The following AGXT variants were observed in gnomAD, a reference collection of about 807,000 sequenced individuals.
AGXT encodes the protein alanine--glyoxylate aminotransferase.
AGXT carries 41 observed loss-of-function variants against 46.9 expected under a neutral mutation model. The ratio of observed to expected loss-of-function variants is 0.88; its 90% confidence interval spans 0.68 to 1.14. The LOEUF is 1.14. Among genes scored for constraint, AGXT ranks in the 50% most tolerant of loss-of-function variants. The probability of loss-of-function intolerance (pLI) is 0.00; values close to 1 mark genes in which losing one functional copy is unlikely to be tolerated. For synonymous variants in AGXT, 244 were observed against 227.9 expected (o/e 1.07, Z -0.64); for missense variants, 525 against 522.7 (o/e 1.00, Z -0.04).
chr2:240,876,824 T>G, intron 8 of AGXT: 1 of 166,572 alleles, frequency 6.0e-6, no homozygotes, highest in Non-Finnish European at 1.3e-5. Flanking sequence ...TCTAGGGTCG[T>G]AAAGGTGGGT....
At chr2:240,875,327 C>A in intron 7 of AGXT, 123 bp downstream of exon 7, 1 of 819,120 alleles carries the variant, frequency 1.2e-6, no homozygotes, top group Non-Finnish European at 2.0e-6. Context: ...AGAACCCCAA[C>A]TAGAGCCCCA....
In AGXT at chr2:240,877,539, C is replaced by T. The variant is rs1448520753; in HGVS notation, c.849C>T (p.Gly283=). The change falls in exon 9 of 11, where the codon GGC becomes GGT. Residue 283 remains glycine (G), a splice_region_variant and synonymous_variant. Coordinates refer to ENST00000307503, the MANE Select transcript of AGXT (RefSeq NM_000030.3). The part of the protein sequence containing the change: ...RESLALIAEQ[G]LENSWRQHRE... Reference sequence around the variant, plus strand: ...CACCAGCGCCATCTCCCACACAGGGCCTGGAGAACAGCTGGCGCCAGCACC... The same window carrying T: ...CACCAGCGCCATCTCCCACACAGGGTCTGGAGAACAGCTGGCGCCAGCACC... 6.5e-7 allele frequency: 1 copy of T among 1,548,378 alleles called. No homozygotes were observed. The highest frequency in any genetic ancestry group is 8.7e-7 in the Non-Finnish European group (1 of 1,145,352).
chr2:240,875,133 G>T lies in AGXT; in HGVS notation c.705G>T (p.Thr235=). The T allele has an allele frequency of 6.2e-7, 1 of 1,613,680 alleles. No individual in the cohort carries two copies. The highest frequency in any genetic ancestry group is 8.5e-7 in the Non-Finnish European group (1 of 1,179,596). The change falls in exon 7 of 11, where the codon ACG becomes ACT. Residue 235 remains threonine (T), a synonymous_variant. Coordinates refer to ENST00000307503, the MANE Select transcript of AGXT (RefSeq NM_000030.3). ...KAKKKMYSRK[T]KPFSFYLDIK... is the part of the protein sequence containing the mutation. ...GAAAGAAGATGTACTCCCGCAAGACGAAGCCCTTCTCCTTCTACCTGGACA... is the reference window on the plus strand; with the variant it reads ...GAAAGAAGATGTACTCCCGCAAGACTAAGCCCTTCTCCTTCTACCTGGACA...
At chr2:240,875,803 G>A in intron 7 of AGXT, 132 bp from the exon 8 acceptor site, 1 of 996,392 alleles carries the variant, frequency 1.0e-6, no homozygotes, top group Non-Finnish European at 1.6e-6. Flanking sequence ...ACCCGGACAG[G>A]ACTCCTCTGC....
rs911826319 is a variant in AGXT at position 240,879,009 on chromosome 2, C to G, written c.*188C>G. ...GCCCTTTTCCCTCCAGTGGCACCTC[C>G]TGGAAACAGTCCACTTGGGCGCAAA... On this transcript the variant is annotated 3_prime_UTR_variant, in exon 11 of 11. Coordinates refer to ENST00000307503, the MANE Select transcript of AGXT (RefSeq NM_000030.3). 20 of 639,512 alleles carry G rather than the reference C, an allele frequency of 3.1e-5. No homozygotes were observed. The South Asian group carries it at 3.7e-4, about 12-fold the overall frequency. 39.6% of individuals were successfully genotyped at this position (639,512 alleles called of 1,614,324 possible).
intron 9 of AGXT, 89 bp downstream of exon 9, chr2:240,877,721 C>T (rs1575712430): frequency 1.4e-6 from 2 of 1,406,266 alleles, no homozygotes; most frequent in Non-Finnish European, 2.0e-6. Flanking sequence ...GACACTGGCT[C>T]CTGAGAAGGA....
rs1433842783 is a variant in AGXT, at chr2:240,877,169, G to A, written c.847-368G>A. ...GGGGGAGCTGGCCCTGAGAGGAGAG[G>A]GGGCCTGGGAGCCAGCACCCTGAGC... On this transcript the variant is annotated intron_variant, in intron 8 of 10. Transcript: ENST00000307503. 1.6e-5 allele frequency: 7 copies of A among 444,654 alleles called. No homozygotes were observed. The East Asian group carries it at 3.9e-4, about 25-fold the overall frequency. 27.5% of individuals were successfully genotyped at this position (444,654 alleles called of 1,614,324 possible). A position where few individuals can be genotyped will look rare whatever the true frequency, so the allele number is the denominator to read the frequency against.
Position 240,878,036 on chromosome 2 carries a change from C to A in AGXT, c.957C>A (p.Pro319=). The A allele has an allele frequency of 6.2e-7, 1 of 1,612,488 alleles. No homozygotes were observed. Among genetic ancestry groups the A allele is most frequent in the South Asian group, 1.1e-5 (1 of 91,086 alleles). Residue 319 remains proline, a synonymous_variant, in exon 10 of 11, where the codon CCC becomes CCA. Coordinates refer to ENST00000307503, the MANE Select transcript of AGXT (RefSeq NM_000030.3). Reference sequence around the variant, plus strand: ...CCCTCCTGCAGGCGCTCCGGCTTCCCACAGTCACCACTGTGGCTGTACCCG... The same window carrying A: ...CCCTCCTGCAGGCGCTCCGGCTTCCAACAGTCACCACTGTGGCTGTACCCG... ...LFVKDPALRL[P]TVTTVAVPAG... is the part of the protein sequence containing the mutation.
intron 2 of AGXT, among the ~76,000 whole-genome samples, chr2:240,869,879 ATGAT>A (rs967080463): frequency 4.1e-4 from 63 of 152,240 alleles, no homozygotes; most frequent in African/African-American, 1.5e-3. Flanking sequence ...CCTGGGTTTA[ATGAT>A]TGATTGTGGC....
At chr2:240,873,828 C>A (rs1157857247) in intron 5 of AGXT, 150 bp from the exon 6 acceptor site, 1 of 763,684 alleles carries the variant, frequency 1.3e-6, no homozygotes, top group Non-Finnish European at 2.3e-6. Flanking sequence ...AGATTTGAAC[C>A]CAGGACTCCC....
In AGXT at chr2:240,875,116, A is replaced by G. The variant is rs2059016100; in HGVS notation, c.688A>G (p.Met230Val). The change falls in exon 7 of 11, where the codon ATG (methionine) becomes GTG (valine). Residue 230 changes from methionine to valine, a missense_variant. Coordinates refer to ENST00000307503, the MANE Select transcript of AGXT (RefSeq NM_000030.3). ...ISFSDKAKKK[M>V]YSRKTKPFSF... Reference sequence around the variant, plus strand: ...CTGCTTCTTTCTCCCCAGAAAGAAGATGTACTCCCGCAAGACGAAGCCCTT... The same window carrying G: ...CTGCTTCTTTCTCCCCAGAAAGAAGGTGTACTCCCGCAAGACGAAGCCCTT... The G allele has an allele frequency of 1.2e-6, 2 of 1,611,804 alleles. No individual in the cohort carries two copies. Among genetic ancestry groups the G allele is most frequent in the East Asian group, 4.5e-5 (2 of 44,862 alleles).
At chr2:240,876,222 G>A (rs2059024244) in intron 8 of AGXT, among the ~76,000 whole-genome samples, 1 of 152,230 alleles carries the variant, frequency 6.6e-6, no homozygotes, top group Admixed American at 6.5e-5. Flanking sequence ...CAGCAATGGG[G>A]CAGGTGTGGA....
At chr2:240,872,831 C>A (rs2058999287) in intron 4 of AGXT, 148 bp from the exon 5 acceptor site, 3 of 706,816 alleles carry the variant, frequency 4.2e-6, no homozygotes, top group Non-Finnish European at 7.6e-6. Flanking sequence ...CAGGAGAAGG[C>A]AACTGGCCAA....
At position 240,877,645 on chromosome 2, in the gene AGXT, C is replaced by CTGG; in HGVS notation, c.942+14_942+16dup. 6.5e-7 allele frequency: 1 copy of CTGG among 1,550,298 alleles called. No individual in the cohort carries two copies. Among genetic ancestry groups the CTGG allele is most frequent in the South Asian group, 1.2e-5 (1 of 84,064 alleles). On this transcript the variant is annotated intron_variant, in intron 9 of 10. Transcript: ENST00000307503. Reference sequence around the variant, plus strand: ...CGTGAAGGACCCGGTAAGGAGGCCCCTGGCATTGGGCAGCCCTGCACCCAT... The same window carrying CTGG: ...CGTGAAGGACCCGGTAAGGAGGCCCCTGGTGGCATTGGGCAGCCCTGCACCCAT...
At chr2:240,878,467 G>A (rs980893533) in intron 10 of AGXT, among the ~76,000 whole-genome samples, 4 of 152,334 alleles carry the variant, frequency 2.6e-5, no homozygotes, top group East Asian at 1.9e-4. Flanking sequence ...AGTGGCAGTG[G>A]GGAGGGACCT....
chr2:240,877,480 G>A (rs748744566), intron 8 of AGXT, 57 bp from the exon 9 acceptor site: 85 of 1,461,960 alleles, frequency 5.8e-5, no homozygotes, highest in Non-Finnish European at 7.4e-5. Context: ...CACAGAGGGC[G>A]GGGCTTCCTG....
intron 6 of AGXT, among the ~76,000 whole-genome samples, chr2:240,874,670 T>C (rs1250715541): frequency 6.6e-6 from 1 of 151,916 alleles, no homozygotes; most frequent in Non-Finnish European, 1.5e-5. Context: ...AGCGGCTGGG[T>C]GTGAGTCAGG....
chr2:240,869,178 C>A lies in AGXT; in HGVS notation c.174C>A (p.Asp58Glu), dbSNP rs761756536. Residue 58 changes from aspartate (D) to glutamate (E), a missense_variant, in exon 2 of 11, where the codon GAC (aspartate) becomes GAA (glutamate). Transcript: ENST00000307503. ...ATACCACCCGCATGCAGATCATGGA[C>A]GAGATCAAGGAAGGCATCCAGTACG... ...SMSKDMYQIMDEIKEGIQYVF... is the reference protein window; with the variant it reads ...SMSKDMYQIMEEIKEGIQYVF... 9 of 1,473,624 alleles carry A rather than the reference C, an allele frequency of 6.1e-6. No individual in the cohort carries two copies. The Middle Eastern group carries it at 9.2e-4, about 150-fold the overall frequency. The allele number at this position is 1,473,624 out of a possible 1,614,324, so 91.3% of individuals were successfully genotyped here. A position where few individuals can be genotyped will look rare whatever the true frequency, so the allele number is the denominator to read the frequency against.
At chr2:240,872,891 C>A in intron 4 of AGXT, 88 bp from the exon 5 acceptor site, 1 of 1,219,498 alleles carries the variant, frequency 8.2e-7, no homozygotes, top group Non-Finnish European at 1.2e-6. Flanking sequence ...CAGCCTGAGG[C>A]TCAGAAACCC....
Sources: gnomAD v4.1 joint callset for allele counts (sites outside exome capture counted in the v4.1 genomes callset) on GRCh38, gnomAD v4.1.1 for gene constraint, MANE v1.5 for transcripts, NCBI Gene and HGNC (gene_info 2026-07-23, HGNC 2026-07-21) for gene names.